NUS1: variants seen among roughly 807,000 people sequenced by gnomAD.
NUS1 encodes the protein NUS1 dehydrodolichyl diphosphate synthase subunit, also known as dehydrodolichyl diphosphate synthase complex subunit NUS1.
For synonymous variants in NUS1, 135 were observed against 155.2 expected, an observed-to-expected ratio of 0.87 and a Z score of 0.97; for missense variants, 292 against 382.9, an observed-to-expected ratio of 0.76 and a Z score of 1.98.
At chr6:117,691,548 C>CATAGATATAGAT in intron 1 of NUS1, among the ~76,000 whole-genome samples, 1 of 57,152 alleles carries the variant, frequency 1.7e-5, no homozygotes, top group South Asian at 8.3e-4. Context: ...GGTTCTGTGC[C>CATAGATATAGAT]ATAGATATAG....
chr6:117,710,101 T>C lies in NUS1; in HGVS notation c.*3086T>C, dbSNP rs1344365794. On this transcript the variant is annotated 3_prime_UTR_variant, in exon 5 of 5. Coordinates refer to ENST00000368494, the MANE Select transcript of NUS1 (RefSeq NM_138459.5). The stretch of plus-strand genomic sequence containing the variant: ...TTTTACCGAATATGAAATTTCCAAA[T>C]TAAAAACGTATATGTGTACTCTTTT... 6.6e-6 allele frequency: 1 copy of C among 152,154 alleles called. No homozygotes were observed. The highest frequency in any genetic ancestry group is 1.5e-5 in the Non-Finnish European group (1 of 67,980). The allele number at this position is 152,154 out of a possible 1,614,324, so 9.4% of individuals were successfully genotyped here.
At chr6:117,676,200 G>A in intron 1 of NUS1, 115 bp downstream of exon 1, 1 of 1,478,820 alleles carries the variant, frequency 6.8e-7, no homozygotes, top group Non-Finnish European at 9.1e-7. Context: ...AAATCACAGC[G>A]CTAGCGCTTT....
At chr6:117,695,783 A>G (rs576692462) in intron 3 of NUS1, among the ~76,000 whole-genome samples, 2 of 152,254 alleles carry the variant, frequency 1.3e-5, no homozygotes, top group African/African-American at 2.4e-5. Context: ...CGCTTTTTCT[A>G]TAAATTTTAT....
In NUS1 at chr6:117,706,783, T is replaced by G. The variant is rs960831627; in HGVS notation, c.792-142T>G. 4.7e-6 allele frequency: 3 copies of G among 632,770 alleles called. No individual in the cohort carries two copies. In the African/African-American group the frequency reaches 5.5e-5, roughly 12 times the overall value. The allele number at this position is 632,770 out of a possible 1,614,324, so 39.2% of individuals were successfully genotyped here. On this transcript the variant is annotated intron_variant, in intron 4 of 4. Transcript: ENST00000368494. ...TCTACATATTATGATTAAGACATTTTCCGTGCCTGTCATGGTGCTGTCTGG... is the reference window on the plus strand; with the variant it reads ...TCTACATATTATGATTAAGACATTTGCCGTGCCTGTCATGGTGCTGTCTGG...
At chr6:117,706,870 C>T in intron 4 of NUS1, 55 bp from the exon 5 acceptor site, 2 of 1,369,830 alleles carry the variant, frequency 1.5e-6, no homozygotes, top group South Asian at 1.2e-5. Context: ...TCTGGTTCCC[C>T]CCTACATTAC....
intron 1 of NUS1, among the ~76,000 whole-genome samples, chr6:117,679,810 A>G (rs1773034615): frequency 6.6e-6 from 1 of 152,318 alleles, no homozygotes; most frequent in South Asian, 2.1e-4. Context: ...TATTTTTGCT[A>G]TGTTCTCTTG....
chr6:117,691,572 T>G (rs776869827), intron 1 of NUS1, among the ~76,000 whole-genome samples: 281 of 145,816 alleles, frequency 1.9e-3, no homozygotes, highest in Non-Finnish European at 3.1e-3. Context: ...TATATATATA[T>G]ATATATATAT....
chr6:117,686,851 T>C (rs1327865452), intron 1 of NUS1, among the ~76,000 whole-genome samples: 5 of 86,126 alleles, frequency 5.8e-5, no homozygotes, highest in Non-Finnish European at 1.1e-4. Context: ...GTGAAGTGTG[T>C]ATGTGTGTGT....
intron 4 of NUS1, among the ~76,000 whole-genome samples, chr6:117,706,706 AG>A (rs1286008547): frequency 5.3e-5 from 8 of 152,164 alleles, no homozygotes; most frequent in African/African-American, 1.9e-4. Flanking sequence ...TCGGTGCCTC[AG>A]AGGCTCTCTG....
intron 1 of NUS1, among the ~76,000 whole-genome samples, chr6:117,677,746 A>G (rs1414618965): frequency 1.3e-5 from 2 of 152,220 alleles, no homozygotes; most frequent in Admixed American, 6.5e-5. Flanking sequence ...TGATATATTC[A>G]GAGACTGACA....
chr6:117,690,004 A>G (rs1020179225), intron 1 of NUS1, among the ~76,000 whole-genome samples: 7 of 152,202 alleles, frequency 4.6e-5, no homozygotes, highest in Admixed American at 6.5e-5. Context: ...TATATTTTAT[A>G]TGCTGTTTTG....
chr6:117,694,489 C>G (rs1223035620), intron 3 of NUS1, among the ~76,000 whole-genome samples: 3 of 152,016 alleles, frequency 2.0e-5, no homozygotes, highest in Non-Finnish European at 4.4e-5. Flanking sequence ...TAGCCTTCCT[C>G]TCCCTCTTCC....
At chr6:117,705,779 G>A (rs1773491724) in intron 4 of NUS1, among the ~76,000 whole-genome samples, 1 of 152,064 alleles carries the variant, frequency 6.6e-6, no homozygotes, top group Admixed American at 6.6e-5. Context: ...AGAGTTTGAG[G>A]ACATTTGAAG....
chr6:117,698,749 A>C (rs1278229758), intron 3 of NUS1, among the ~76,000 whole-genome samples: 2 of 152,156 alleles, frequency 1.3e-5, no homozygotes, highest in African/African-American at 4.8e-5. Context: ...ACCACTGATA[A>C]ATGTTCATGA....
chr6:117,706,867 C>A (rs1773508038), intron 4 of NUS1, 58 bp from the exon 5 acceptor site: 5 of 1,331,010 alleles, frequency 3.8e-6, no homozygotes, highest in Middle Eastern at 1.8e-4. Flanking sequence ...TCTTCTGGTT[C>A]CCCCCTACAT....
intron 1 of NUS1, among the ~76,000 whole-genome samples, chr6:117,677,333 T>C (rs1370360750): frequency 6.6e-6 from 1 of 152,030 alleles, no homozygotes; most frequent in Non-Finnish European, 1.5e-5. Context: ...GTTCATGCAG[T>C]GGAGGTGGGA....
intron 4 of NUS1, among the ~76,000 whole-genome samples, chr6:117,706,720 A>G (rs1212415098): frequency 1.3e-5 from 2 of 152,034 alleles, no homozygotes; most frequent in South Asian, 2.1e-4. Context: ...GCTCTCTGCT[A>G]TTTCCCAGTC....
At chr6:117,691,235 C>T (rs1380030626) in intron 1 of NUS1, among the ~76,000 whole-genome samples, 1 of 151,894 alleles carries the variant, frequency 6.6e-6, no homozygotes, top group Non-Finnish European at 1.5e-5. Flanking sequence ...CCATATTGCT[C>T]AGAAATTGTT....
chr6:117,706,910 G>A lies in NUS1; in HGVS notation c.792-15G>A, dbSNP rs199793068. ...TATATCTAATTGCTTTTCTCCCCCC[G>A]TGTTTTCTTTTCAGCTCTTTGCCTT... On this transcript the variant is annotated splice_polypyrimidine_tract_variant and intron_variant, in intron 4 of 4. Transcript: ENST00000368494. 1.8e-5 allele frequency: 29 copies of A among 1,606,412 alleles called. No individual in the cohort carries two copies. In the East Asian group the frequency reaches 2.2e-4, roughly 12 times the overall value.
Sources: gnomAD v4.1 joint callset for allele counts (sites outside exome capture counted in the v4.1 genomes callset) on GRCh38, gnomAD v4.1.1 for gene constraint, MANE v1.5 for transcripts, NCBI Gene and HGNC (gene_info 2026-07-23, HGNC 2026-07-21) for gene names.